DHX37: variants seen among roughly 807,000 people sequenced by gnomAD.
DHX37 encodes the protein probable ATP-dependent RNA helicase DHX37.
In DHX37, 52 loss-of-function variants were observed where a neutral mutation model predicts 134.3. The ratio of observed to expected loss-of-function variants is 0.39; its 90% CI spans 0.31 to 0.49. The LOEUF is 0.49. Ranked by LOEUF, DHX37 falls within the 20% of genes least tolerant of loss-of-function variation. DHX37 has a pLI of 0.93. For synonymous variants in DHX37, 634 were observed against 670.7 expected (o/e 0.95, Z 0.85); for missense variants, 1,344 against 1,580.8 (o/e 0.85, Z 2.54).
chr12:124,977,070 G>T (rs1213144838), intron 5 of DHX37, among the ~76,000 whole-genome samples: 1 of 148,632 alleles, frequency 6.7e-6, no homozygotes, highest in Admixed American at 6.7e-5. Context: ...AAGGAAAAAA[G>T]AAAATAGTAA....
Position 124,982,638 on chromosome 12 carries a change from G to T in DHX37, c.277-15C>A. 1.2e-6 allele frequency: 2 copies of T among 1,611,842 alleles called. No homozygotes were observed. Among genetic ancestry groups the T allele is most frequent in the South Asian group, 2.2e-5 (2 of 90,924 alleles). ...ATCTCTGCTCGCTGGGAAAGGAAACGAGTGTATTATGCATTTGCCATCACG... is the reference window on the plus strand; with the variant it reads ...ATCTCTGCTCGCTGGGAAAGGAAACTAGTGTATTATGCATTTGCCATCACG... On this transcript the variant is annotated splice_polypyrimidine_tract_variant and intron_variant, in intron 2 of 26. Transcript: ENST00000308736.
At chr12:124,977,583 A>T in intron 4 of DHX37, 93 bp from the exon 5 acceptor site, 1 of 1,386,862 alleles carries the variant, frequency 7.2e-7, no homozygotes, top group Non-Finnish European at 9.5e-7. Flanking sequence ...ATGGGTGCTG[A>T]ACAGATGTGC....
At chr12:124,987,291 A>G (rs1954893346) in intron 1 of DHX37, among the ~76,000 whole-genome samples, 1 of 152,132 alleles carries the variant, frequency 6.6e-6, no homozygotes, top group Admixed American at 6.5e-5. Context: ...TGCAGTGAGC[A>G]GAGATCACGC....
In DHX37 at chr12:124,988,911, T is replaced by A; in HGVS notation, c.106+6A>T. 7.7e-7 allele frequency: 1 copy of A among 1,305,546 alleles called. No homozygotes were observed. 80.9% of individuals were successfully genotyped at this position (1,305,546 alleles called of 1,614,324 possible). A position where few individuals can be genotyped will look rare whatever the true frequency, so the allele number is the denominator to read the frequency against. On this transcript the variant is annotated splice_donor_region_variant and intron_variant, in intron 1 of 26. Transcript: ENST00000308736. ...GAAATCCAGCCCCGGTCCGGGGATG[T>A]CTTACCCTCCAGTTCCAGCTGCACG... is the stretch of plus-strand genomic sequence containing the variant.
rs535265427 is a variant in DHX37 at position 124,964,151 on chromosome 12, C to T, written c.2045+243G>A. On this transcript the variant is annotated intron_variant, in intron 15 of 26. Transcript: ENST00000308736. ...TGGAGGTTGCAGTGAGTCGAGATCA[C>T]GCCATTGCATTCCAGCCTGGGTGAC... Among the ~76,000 whole-genome samples, 15 of 146,876 alleles carry T rather than the reference C, an allele frequency of 1.0e-4. 1 individual carries two copies. In the South Asian group the frequency reaches 3.0e-3, roughly 29 times the overall value.
In DHX37 at chr12:124,952,427, G is replaced by A. The variant is rs767211430; in HGVS notation, c.2839C>T (p.Leu947=). The change falls in exon 21 of 27, where the codon CTG becomes TTG. Residue 947 remains leucine (L), a synonymous_variant. Transcript: ENST00000308736. ...LARRVQSEEM[L]EDKWRNAYKT... is the part of the protein sequence containing the mutation. ...TAGGCGTTCCTCCACTTGTCCTCCAGCATCTCCTCGCTCTGGACCCTGCGG... is the reference window on the plus strand; with the variant it reads ...TAGGCGTTCCTCCACTTGTCCTCCAACATCTCCTCGCTCTGGACCCTGCGG... 1 of 1,610,678 alleles carries A rather than the reference G, an allele frequency of 6.2e-7. No individual in the cohort carries two copies. Among genetic ancestry groups the A allele is most frequent in the South Asian group, 1.1e-5 (1 of 90,786 alleles).
At chr12:124,969,017 T>C in intron 8 of DHX37, 49 bp from the exon 9 acceptor site, 1 of 1,578,374 alleles carries the variant, frequency 6.3e-7, no homozygotes, top group Non-Finnish European at 8.6e-7. Flanking sequence ...CGCAGGTGGG[T>C]CTGAAGCCTG....
In DHX37 at chr12:124,948,228, C is replaced by T. The variant is rs755645254; in HGVS notation, c.3291-47G>A. 24 of 1,589,752 alleles carry T rather than the reference C, an allele frequency of 1.5e-5. 1 individual carries two copies. The South Asian group carries it at 2.7e-4, about 18-fold the overall frequency. The stretch of plus-strand genomic sequence containing the variant: ...TGGTGGCAGGCAGCCAGGGCACAGA[C>T]CGGCTGCTGCTGGGGGCCCGAAAGC... On this transcript the variant is annotated intron_variant, in intron 25 of 26. Coordinates refer to ENST00000308736, the MANE Select transcript of DHX37 (RefSeq NM_032656.4).
rs201658078 is a variant in DHX37, at chr12:124,986,083, G to A, written c.276+13C>T. 271 of 1,613,056 alleles carry A rather than the reference G, an allele frequency of 1.7e-4. 4 individuals are homozygous for A. The South Asian group carries it at 1.9e-3, about 11-fold the overall frequency. ...GGAGAGCCACTTGCAGACCCTGCCC[G>A]AGTGGGGTGTACCTGGCTCTTTTTC... On this transcript the variant is annotated intron_variant, in intron 2 of 26. Coordinates refer to ENST00000308736, the MANE Select transcript of DHX37 (RefSeq NM_032656.4).
Position 124,986,203 on chromosome 12 carries a change from T to C in DHX37, c.169A>G (p.Lys57Glu). ...NALVLPGKKKKKTKAPPLSKK... is the reference protein window; with the variant it reads ...NALVLPGKKKEKTKAPPLSKK... ...GACAGGGGAGGGGCTTTGGTCTTCT[T>C]TTTCTTCTTCCCCGGTAGAACGAGC... Residue 57 changes from lysine to glutamate, a missense_variant, in exon 2 of 27, where the codon AAG (lysine) becomes GAG (glutamate). Physicochemically the swap from Lys to Glu is moderately conservative, Grantham distance 56 (BLOSUM62 1). Around this residue, in one of 7 missense-constraint regions of DHX37, gnomAD observed 319 missense variants for 296.1 expected, o/e 1.08. Coordinates refer to ENST00000308736, the MANE Select transcript of DHX37 (RefSeq NM_032656.4). 1 of 1,614,182 alleles carries C rather than the reference T, an allele frequency of 6.2e-7. No homozygotes were observed.
chr12:124,950,009 G>A lies in DHX37; in HGVS notation c.3267C>T (p.Gly1089=). Residue 1089 remains glycine, a synonymous_variant, in exon 25 of 27, where the codon GGC becomes GGT. Transcript: ENST00000308736. ...SYRSCLLSSP[G]TMLKTWARLQ... Reference sequence around the variant, plus strand: ...ACCTGGCCCACGTCTTCAGCATGGTGCCGGGGCTGGACAGCAGACAGCTCC... The same window carrying A: ...ACCTGGCCCACGTCTTCAGCATGGTACCGGGGCTGGACAGCAGACAGCTCC... 6.2e-7 allele frequency: 1 copy of A among 1,612,360 alleles called. No individual in the cohort carries two copies. The highest frequency in any genetic ancestry group is 8.5e-7 in the Non-Finnish European group (1 of 1,179,246).
intron 11 of DHX37, 59 bp from the exon 12 acceptor site, chr12:124,966,937 C>G (rs559468759): frequency 1.2e-6 from 2 of 1,606,158 alleles, no homozygotes; most frequent in African/African-American, 2.7e-5. Context: ...CGCCAGCACA[C>G]TGCCCTTTGT....
In DHX37 at chr12:124,956,725, T is replaced by C. The variant is rs368885524; in HGVS notation, c.2419A>G (p.Met807Val). 10 of 1,593,516 alleles carry C rather than the reference T, an allele frequency of 6.3e-6. No individual in the cohort carries two copies. The highest frequency in any genetic ancestry group is 3.3e-4 in the Middle Eastern group (2 of 6,016). Residue 807 changes from methionine to valine, a missense_variant, in exon 18 of 27, where the codon ATG becomes GTG. Met to Val is a conservative substitution (Grantham distance 21, BLOSUM62 1). Coordinates refer to ENST00000308736, the MANE Select transcript of DHX37 (RefSeq NM_032656.4). ...LPYAITIVAS[M>V]TVRELFEELD... ...TCCTCAAACAGCTCCCGCACCGTCATGCTGGCCACGATGGTGATGGCATAG... is the reference window on the plus strand; with the variant it reads ...TCCTCAAACAGCTCCCGCACCGTCACGCTGGCCACGATGGTGATGGCATAG...
chr12:124,947,557 T>C lies in DHX37; in HGVS notation c.*245A>G, dbSNP rs1220583371. 72 of 500,010 alleles carry C rather than the reference T, an allele frequency of 1.4e-4. No individual in the cohort carries two copies. The East Asian group carries it at 2.2e-3, about 15-fold the overall frequency. 31.0% of individuals were successfully genotyped at this position (500,010 alleles called of 1,614,324 possible). A position where few individuals can be genotyped will look rare whatever the true frequency, so the allele number is the denominator to read the frequency against. On this transcript the variant is annotated 3_prime_UTR_variant, in exon 27 of 27. Coordinates refer to ENST00000308736, the MANE Select transcript of DHX37 (RefSeq NM_032656.4). ...ACTGAACAGAACAGCGTCCAGCACGTGAGATGAAATCATCATCCACCATAT... is the reference window on the plus strand; with the variant it reads ...ACTGAACAGAACAGCGTCCAGCACGCGAGATGAAATCATCATCCACCATAT...
chr12:124,961,305 C>T (rs552489069), intron 15 of DHX37, among the ~76,000 whole-genome samples: 6 of 146,062 alleles, frequency 4.1e-5, no homozygotes, highest in South Asian at 2.1e-4. Flanking sequence ...CGTGCACGCA[C>T]GCACACACAC....
chr12:124,963,553 T>G (rs1027806720), intron 15 of DHX37, among the ~76,000 whole-genome samples: 8 of 152,092 alleles, frequency 5.3e-5, no homozygotes, highest in African/African-American at 1.9e-4. Context: ...ACTCAAGAGC[T>G]GCCCCTGACC....
chr12:124,968,285 T>A (rs1428611100), intron 10 of DHX37, among the ~76,000 whole-genome samples: 1 of 151,738 alleles, frequency 6.6e-6, no homozygotes, highest in South Asian at 2.1e-4. Flanking sequence ...GCCCTGTGGG[T>A]TTTTCTGCTT....
At chr12:124,971,204 A>C in intron 8 of DHX37, 98 bp downstream of exon 8, 3 of 1,515,592 alleles carry the variant, frequency 2.0e-6, no homozygotes, top group Non-Finnish European at 2.7e-6. Flanking sequence ...GCAGCAGCCC[A>C]GGGTACAACG....
chr12:124,961,269 CGCGT>C (rs1954252256), intron 15 of DHX37, among the ~76,000 whole-genome samples: 1 of 103,958 alleles, frequency 9.6e-6, no homozygotes, highest in African/African-American at 4.4e-5. Flanking sequence ...CACACATACA[CGCGT>C]GCACGCACAC....
Sources: allele counts gnomAD v4.1 joint callset (sites outside exome capture counted in the v4.1 genomes callset), GRCh38; gene constraint gnomAD v4.1.1; regional missense constraint gnomAD v4.1.1; transcripts MANE v1.5; gene names NCBI Gene and HGNC (gene_info 2026-07-23, HGNC 2026-07-21).